The following SORCS1 variants were observed in gnomAD, a reference collection of about 807,000 sequenced individuals.
The protein encoded by SORCS1 is sortilin related VPS10 domain containing receptor 1.
Under a neutral mutation model 146.1 loss-of-function variants are expected in SORCS1, and 60 were observed. That is an observed-to-expected ratio of 0.41 (90% CI 0.33 to 0.51). SORCS1 has a LOEUF of 0.51. Among genes scored for constraint, SORCS1 ranks in the 20% least tolerant of loss-of-function variants. The pLI is 0.21. For synonymous variants in SORCS1, 637 were observed against 584.0 expected (o/e 1.09, Z -1.31); for missense variants, 1,352 against 1,487.6 (o/e 0.91, Z 1.50).
chr10:106,959,802 C>T (rs1000439807), intron 1 of SORCS1, among the ~76,000 whole-genome samples: 1 of 152,148 alleles, frequency 6.6e-6, no homozygotes, highest in Non-Finnish European at 1.5e-5. Context: ...CAGGACACTG[C>T]GTCCAGCTTT....
At chr10:106,711,207 T>C (rs561162829) in intron 6 of SORCS1, among the ~76,000 whole-genome samples, 2 of 152,370 alleles carry the variant, frequency 1.3e-5, no homozygotes, top group East Asian at 1.9e-4. Context: ...ATGCCACTTA[T>C]TGAAATATAT....
rs988716747 is a variant in SORCS1, at chr10:107,159,258, A to C, written c.558+4711T>G. ...GTATAGGTCATTATGTCATTTCTACATCCCCAACACTCCTAGTGCACTTTA... is the reference window on the plus strand; with the variant it reads ...GTATAGGTCATTATGTCATTTCTACCTCCCCAACACTCCTAGTGCACTTTA... On this transcript the variant is annotated intron_variant, in intron 1 of 25. Transcript: ENST00000263054. 1.4e-4 allele frequency among the ~76,000 whole-genome samples: 22 copies of C among 152,298 alleles called. 1 individual carries two copies. The highest frequency in any genetic ancestry group is 3.4e-3 in the Middle Eastern group (1 of 294).
chr10:106,809,160 T>G (rs1307518713), intron 3 of SORCS1, among the ~76,000 whole-genome samples: 1 of 151,906 alleles, frequency 6.6e-6, no homozygotes, highest in Non-Finnish European at 1.5e-5. Flanking sequence ...TTGTTTTTGT[T>G]TTTGTGGTTG....
Position 106,794,649 on chromosome 10 carries a change from C to T in SORCS1, c.727-17957G>A, listed in dbSNP as rs555320525. 1.6e-4 allele frequency among the ~76,000 whole-genome samples: 24 copies of T among 151,972 alleles called. No individual in the cohort carries two copies. The South Asian group carries it at 5.0e-3, about 32-fold the overall frequency. Reference sequence around the variant, plus strand: ...TCCCGAGTAGCTGGAACTACAGGCGCCCGCCACCACGCCCGGCTAATTTTT... The same window carrying T: ...TCCCGAGTAGCTGGAACTACAGGCGTCCGCCACCACGCCCGGCTAATTTTT... On this transcript the variant is annotated intron_variant, in intron 3 of 25. Transcript: ENST00000263054.
intron 2 of SORCS1, among the ~76,000 whole-genome samples, chr10:106,939,707 C>T (rs1443274716): frequency 6.6e-6 from 1 of 152,200 alleles, no homozygotes; most frequent in Non-Finnish European, 1.5e-5. Context: ...CTTCAGCACA[C>T]CATTTCCCTT....
intron 1 of SORCS1, among the ~76,000 whole-genome samples, chr10:106,977,107 T>A (rs533904951): frequency 6.6e-6 from 1 of 152,212 alleles, no homozygotes; most frequent in Non-Finnish European, 1.5e-5. Context: ...CCCTGAGGAA[T>A]CACCACACTG....
chr10:106,981,949 T>A (rs2139354697), intron 1 of SORCS1, among the ~76,000 whole-genome samples: 1 of 152,334 alleles, frequency 6.6e-6, no homozygotes, highest in East Asian at 1.9e-4. Context: ...TGCGGGTTCC[T>A]GAGTTTCTGA....
At chr10:106,674,328 C>CAAATAAAAAAAA (rs1851854789) in intron 14 of SORCS1, among the ~76,000 whole-genome samples, 1 of 27,374 alleles carries the variant, frequency 3.7e-5, no homozygotes, top group Non-Finnish European at 5.4e-5. Flanking sequence ...GACTCCGTCT[C>CAAATAAAAAAAA]AAAAAAAAAA....
chr10:106,833,238 G>T (rs1475962636), intron 2 of SORCS1, among the ~76,000 whole-genome samples: 1 of 152,070 alleles, frequency 6.6e-6, no homozygotes, highest in Admixed American at 6.6e-5. Context: ...ATTTTACAAA[G>T]CTCAAAAGTT....
At chr10:106,794,192 A>G (rs1434077510) in intron 3 of SORCS1, among the ~76,000 whole-genome samples, 2 of 152,068 alleles carry the variant, frequency 1.3e-5, no homozygotes, top group East Asian at 1.9e-4. Context: ...TTATTCCCAT[A>G]TGGCCATACT....
intron 3 of SORCS1, among the ~76,000 whole-genome samples, chr10:106,815,408 T>C (rs1185721024): frequency 1.3e-5 from 2 of 152,222 alleles, no homozygotes; most frequent in Non-Finnish European, 2.9e-5. Flanking sequence ...CACATATTTA[T>C]TTCAGTGTTC....
chr10:106,711,586 T>C (rs1469285570), intron 6 of SORCS1, among the ~76,000 whole-genome samples: 1 of 152,204 alleles, frequency 6.6e-6, no homozygotes, highest in Non-Finnish European at 1.5e-5. Context: ...TAGACAATGG[T>C]GGAGAGCCTT....
chr10:106,835,836 T>C (rs1948755703), intron 2 of SORCS1, among the ~76,000 whole-genome samples: 1 of 151,752 alleles, frequency 6.6e-6, no homozygotes, highest in African/African-American at 2.4e-5. Flanking sequence ...AGAAGCCCCA[T>C]CTCTACTAAA....
At chr10:106,881,793 T>C (rs1950812203) in intron 2 of SORCS1, among the ~76,000 whole-genome samples, 1 of 152,252 alleles carries the variant, frequency 6.6e-6, no homozygotes, top group African/African-American at 2.4e-5. Context: ...TTATCCCCTG[T>C]GAATTGGTAA....
the SORCS1 span, among the ~76,000 whole-genome samples, chr10:107,178,637 T>C: frequency 2.0e-5 from 3 of 151,990 alleles, no homozygotes; most frequent in Admixed American, 1.3e-4. Flanking sequence ...TATAGGTGCA[T>C]GCCACCACAC....
At chr10:106,910,830 C>A (rs1952117154) in intron 2 of SORCS1, among the ~76,000 whole-genome samples, 2 of 152,122 alleles carry the variant, frequency 1.3e-5, no homozygotes, top group Non-Finnish European at 2.9e-5. Flanking sequence ...AACGATATTT[C>A]TTAGTTTTGT....
At chr10:107,103,562 T>C (rs1269156007) in intron 1 of SORCS1, among the ~76,000 whole-genome samples, 1 of 152,208 alleles carries the variant, frequency 6.6e-6, no homozygotes, top group Non-Finnish European at 1.5e-5. Context: ...TGCCTAAGGC[T>C]TGAAAACTAC....
intron 1 of SORCS1, among the ~76,000 whole-genome samples, chr10:107,052,517 T>C (rs1960215084): frequency 2.0e-5 from 3 of 152,152 alleles, no homozygotes; most frequent in Admixed American, 6.6e-5. Context: ...TCTCCACATC[T>C]TCAGATTCAA....
intron 1 of SORCS1, among the ~76,000 whole-genome samples, chr10:107,115,385 C>T (rs1038691834): frequency 5.3e-5 from 8 of 152,010 alleles, no homozygotes; most frequent in Admixed American, 6.5e-5. Context: ...CAAAACTGTA[C>T]GGTATTGGCA....
Sources: allele counts gnomAD v4.1 joint callset (sites outside exome capture counted in the v4.1 genomes callset), GRCh38; gene constraint gnomAD v4.1.1; transcripts MANE v1.5; gene names NCBI Gene and HGNC (gene_info 2026-07-23, HGNC 2026-07-21).